Variants in DYNC1I1 observed in about 807,000 individuals in gnomAD.
DYNC1I1 encodes dynein cytoplasmic 1 intermediate chain 1, also known as cytoplasmic dynein 1 intermediate chain 1.
In DYNC1I1, 43 loss-of-function variants were observed where a neutral mutation model predicts 86.6. That is an observed-to-expected ratio of 0.50 (90% CI 0.39 to 0.64). DYNC1I1 has a LOEUF of 0.64. DYNC1I1 is among the 30% of genes least tolerant of loss of function. The pLI, the probability that DYNC1I1 is intolerant of heterozygous loss-of-function variation, is 0.00. For missense variants in DYNC1I1, 604 were observed against 788.8 expected (o/e 0.77, Z 2.81); for synonymous variants, 262 against 283.7 (o/e 0.92, Z 0.77).
chr7:95,993,704 AAC>A (rs1317016228), intron 9 of DYNC1I1, among the ~76,000 whole-genome samples: 1 of 152,206 alleles, frequency 6.6e-6, no homozygotes, highest in East Asian at 1.9e-4. Flanking sequence ...AGCACATTGT[AAC>A]TCTCTGCAGA....
chr7:95,784,762 C>T (rs1030406189), intron 1 of DYNC1I1, among the ~76,000 whole-genome samples: 1 of 152,200 alleles, frequency 6.6e-6, no homozygotes, highest in African/African-American at 2.4e-5. Flanking sequence ...GAAGTTCAAG[C>T]ATGTCACCTC....
At chr7:95,777,935 C>A (rs1430301673) in intron 1 of DYNC1I1, among the ~76,000 whole-genome samples, 1 of 152,150 alleles carries the variant, frequency 6.6e-6, no homozygotes, top group Non-Finnish European at 1.5e-5. Context: ...TAATGCTTTT[C>A]ATCATAAATT....
intron 7 of DYNC1I1, among the ~76,000 whole-genome samples, chr7:95,982,245 C>T (rs1793476374): frequency 6.6e-6 from 1 of 152,116 alleles, no homozygotes; most frequent in African/African-American, 2.4e-5. Flanking sequence ...TTATTTTGTG[C>T]TAACAAATCA....
intron 14 of DYNC1I1, among the ~76,000 whole-genome samples, chr7:96,065,938 C>G (rs1789970692): frequency 6.6e-6 from 1 of 152,210 alleles, no homozygotes; most frequent in African/African-American, 2.4e-5. Flanking sequence ...GCTGAAAACA[C>G]TCTTGTGAAT....
intron 6 of DYNC1I1, among the ~76,000 whole-genome samples, chr7:95,909,892 G>C (rs548760508): frequency 6.6e-6 from 1 of 152,036 alleles, no homozygotes; most frequent in Non-Finnish European, 1.5e-5. Flanking sequence ...ACTGAGCCTC[G>C]TTCTCCATCC....
At chr7:95,996,132 G>A in intron 10 of DYNC1I1, 59 bp downstream of exon 10, 3 of 1,608,946 alleles carry the variant, frequency 1.9e-6, no homozygotes, top group Non-Finnish European at 2.5e-6. Flanking sequence ...TATAGTTTGT[G>A]CTGCATTGCA....
chr7:96,035,269 A>T (rs1423368874), intron 12 of DYNC1I1, among the ~76,000 whole-genome samples: 1 of 152,184 alleles, frequency 6.6e-6, no homozygotes, highest in African/African-American at 2.4e-5. Context: ...TGATTTTGAA[A>T]ATGTTTGTAA....
intron 1 of DYNC1I1, among the ~76,000 whole-genome samples, chr7:95,781,564 A>G (rs1448258563): frequency 6.6e-6 from 1 of 152,182 alleles, no homozygotes; most frequent in Non-Finnish European, 1.5e-5. Context: ...CATTTTTCTC[A>G]GTAAATTGGG....
chr7:96,032,766 C>G lies in DYNC1I1; in HGVS notation c.1216C>G (p.Leu406Val). 1 of 1,613,410 alleles carries G rather than the reference C, an allele frequency of 6.2e-7. No individual in the cohort carries two copies. Among genetic ancestry groups the G allele is most frequent in the Non-Finnish European group, 8.5e-7 (1 of 1,179,552 alleles). Residue 406 changes from leucine to valine, a missense_variant, in exon 12 of 17, where the codon CTC becomes GTC. Leu to Val is a conservative substitution (Grantham distance 32, BLOSUM62 1). Transcript: ENST00000447467. ...AATGTGTTCCTGGAGCCTGGACATGCTCTCAACTCCACAGGTGGGTTTGTT... is the reference window on the plus strand; with the variant it reads ...AATGTGTTCCTGGAGCCTGGACATGGTCTCAACTCCACAGGTGGGTTTGTT... Reference protein sequence around the residue: ...GKMCSWSLDMLSTPQESMELV... With the variant: ...GKMCSWSLDMVSTPQESMELV...
intron 1 of DYNC1I1, among the ~76,000 whole-genome samples, chr7:95,782,806 G>A (rs1251618939): frequency 6.6e-6 from 1 of 152,120 alleles, no homozygotes; most frequent in Admixed American, 6.6e-5. Context: ...TGAATGGGGA[G>A]CTGGAAAGGG....
chr7:95,887,878 A>C (rs1420795664), intron 6 of DYNC1I1, among the ~76,000 whole-genome samples: 3 of 151,978 alleles, frequency 2.0e-5, no homozygotes, highest in Non-Finnish European at 2.9e-5. Context: ...CTTTAATCAG[A>C]CTCTCAAAGT....
At chr7:96,099,904 C>A (rs983852117), downstream of DYNC1I1, among the ~76,000 whole-genome samples, 5 of 152,162 alleles carry the variant, frequency 3.3e-5, no homozygotes, top group Admixed American at 3.3e-4. Context: ...GTAAGAAGCA[C>A]AACTACCCTG....
chr7:95,938,469 A>G (rs750248320), intron 6 of DYNC1I1, among the ~76,000 whole-genome samples: 5 of 152,192 alleles, frequency 3.3e-5, no homozygotes, highest in Non-Finnish European at 7.4e-5. Context: ...AAAATGCAGG[A>G]TAATCACATA....
At chr7:96,102,506 C>G (rs1791150522), downstream of DYNC1I1, among the ~76,000 whole-genome samples, 1 of 152,106 alleles carries the variant, frequency 6.6e-6, no homozygotes, top group African/African-American at 2.4e-5. Flanking sequence ...AGCTTAGAGC[C>G]CCCACCACAA....
intron 5 of DYNC1I1, among the ~76,000 whole-genome samples, chr7:95,834,519 T>G (rs1274488265): frequency 1.7e-5 from 2 of 118,718 alleles, no homozygotes; most frequent in Non-Finnish European, 3.4e-5. Context: ...TCTTTTTCTA[T>G]TGATTGGAAT....
intron 16 of DYNC1I1, among the ~76,000 whole-genome samples, chr7:96,083,859 C>T (rs1164758054): frequency 6.6e-6 from 1 of 152,112 alleles, no homozygotes; most frequent in South Asian, 2.1e-4. Context: ...GATAGAAAAC[C>T]TTGCTTTGTA....
chr7:95,804,235 G>A (rs1005300392), intron 1 of DYNC1I1: 6 of 388,282 alleles, frequency 1.5e-5, no homozygotes, highest in Non-Finnish European at 7.8e-6. Flanking sequence ...CCATGCATCC[G>A]AGCTCAGTGG....
chr7:96,038,656 T>C (rs1321309893), intron 13 of DYNC1I1, among the ~76,000 whole-genome samples: 1 of 152,232 alleles, frequency 6.6e-6, no homozygotes, highest in Non-Finnish European at 1.5e-5. Flanking sequence ...ACAGTGGATA[T>C]GTAAATCTGT....
intron 1 of DYNC1I1, among the ~76,000 whole-genome samples, chr7:95,776,317 T>G (rs935005989): frequency 8.5e-5 from 13 of 152,212 alleles, no homozygotes; most frequent in Admixed American, 7.9e-4. Flanking sequence ...CATCGTAACA[T>G]AGATACCTCT....
Sources: gnomAD v4.1 joint callset for allele counts (sites outside exome capture counted in the v4.1 genomes callset) on GRCh38, gnomAD v4.1.1 for gene constraint, MANE v1.5 for transcripts, NCBI Gene and HGNC (gene_info 2026-07-23, HGNC 2026-07-21) for gene names.